The following NINJ2 variants were observed in gnomAD, a reference collection of about 807,000 sequenced individuals.
NINJ2 encodes the protein ninjurin 2, also known as ninjurin-2.
In NINJ2, 12 loss-of-function variants were observed where a neutral mutation model predicts 11.7. That is an observed-to-expected ratio of 1.02 (90% CI 0.66 to 1.66). The LOEUF (loss-of-function observed/expected upper bound fraction) is 1.66. Ranked by LOEUF, NINJ2 falls within the 40% of genes most tolerant of loss-of-function variation. NINJ2 has a pLI of 0.00. For missense variants in NINJ2, 187 were observed against 181.8 expected (o/e 1.03, Z -0.16); for synonymous variants, 93 against 76.8 (o/e 1.21, Z -1.10).
chr12:583,199 G>A (rs1487290796), intron 1 of NINJ2, among the ~76,000 whole-genome samples: 6 of 121,752 alleles, frequency 4.9e-5, no homozygotes, highest in African/African-American at 6.4e-5. Flanking sequence ...GAATGAATGG[G>A]TGCAGGCAGG....
At chr12:606,147 C>T (rs4980949) in intron 1 of NINJ2, among the ~76,000 whole-genome samples, 32,168 of 152,078 alleles carry the variant, frequency 0.21, 3,592 homozygotes, top group East Asian at 0.3. Flanking sequence ...GCTGGGATTA[C>T]AGGCATGAGC....
At chr12:659,135 A>G (rs575237241) in intron 1 of NINJ2, among the ~76,000 whole-genome samples, 1 of 151,570 alleles carries the variant, frequency 6.6e-6, no homozygotes, top group East Asian at 1.9e-4. Context: ...AAACACTCCC[A>G]GAGTACTTTG....
At chr12:629,024 G>C (rs973347350) in intron 1 of NINJ2, among the ~76,000 whole-genome samples, 7 of 152,058 alleles carry the variant, frequency 4.6e-5, no homozygotes, top group Admixed American at 1.3e-4. Context: ...CAGCCCTCAG[G>C]GTTGCTTTGC....
At chr12:613,566 G>A (rs1297906941) in intron 1 of NINJ2, among the ~76,000 whole-genome samples, 4 of 151,492 alleles carry the variant, frequency 2.6e-5, no homozygotes, top group Non-Finnish European at 5.9e-5. Flanking sequence ...CCAAGATTGC[G>A]ACATTACACT....
At chr12:599,053 G>C (rs1208763196) in intron 1 of NINJ2, among the ~76,000 whole-genome samples, 2 of 146,068 alleles carry the variant, frequency 1.4e-5, no homozygotes, top group Non-Finnish European at 2.9e-5. Context: ...AGCCGAAAAA[G>C]AGAGAAATAT....
At chr12:643,298 T>A (rs1304564213) in intron 1 of NINJ2, 1 of 347,964 alleles carries the variant, frequency 2.9e-6, no homozygotes, top group Non-Finnish European at 4.1e-6. Flanking sequence ...GTCTGGAGAC[T>A]CTGCACCGTC....
intron 1 of NINJ2, among the ~76,000 whole-genome samples, chr12:568,900 T>G (rs1202869292): frequency 2.0e-5 from 2 of 99,734 alleles, no homozygotes; most frequent in Non-Finnish European, 1.9e-5. Flanking sequence ...GCCCCCCGGG[T>G]AAGCACTGGG....
intron 1 of NINJ2, among the ~76,000 whole-genome samples, chr12:619,040 C>G (rs893234524): frequency 4.6e-5 from 7 of 152,206 alleles, no homozygotes; most frequent in Non-Finnish European, 8.8e-5. Flanking sequence ...CCCAGAACTT[C>G]TAAAGGTCAC....
intron 1 of NINJ2, among the ~76,000 whole-genome samples, chr12:621,479 A>G (rs1948151790): frequency 6.7e-6 from 1 of 150,350 alleles, no homozygotes; most frequent in South Asian, 2.1e-4. Context: ...AAAGAAAAAA[A>G]AAGAAAGAAA....
chr12:605,738 G>A (rs1358876146), intron 1 of NINJ2, among the ~76,000 whole-genome samples: 1 of 152,126 alleles, frequency 6.6e-6, no homozygotes, highest in Non-Finnish European at 1.5e-5. Context: ...TTTGGGGTTT[G>A]TTTTTCGAAT....
rs528438941 is a variant in NINJ2 at position 580,908 on chromosome 12, G to A, written c.34-14730C>T. ...TGCATGTGTCTGTGTGTCTGTGTGTGTGTCTGTATGTTTGTGTGTGTGTGC... is the reference window on the plus strand; with the variant it reads ...TGCATGTGTCTGTGTGTCTGTGTGTATGTCTGTATGTTTGTGTGTGTGTGC... On this transcript the variant is annotated intron_variant, in intron 1 of 3. Transcript: ENST00000305108. The surrounding 1 kb of genome is among the most constrained non-coding windows in gnomAD (Gnocchi z 4.7). Among the ~76,000 whole-genome samples, 14 of 151,910 alleles carry A rather than the reference G, an allele frequency of 9.2e-5. No homozygotes were observed. The East Asian group carries it at 2.5e-3, about 27-fold the overall frequency.
rs201557016 is a variant in NINJ2, at chr12:640,406, A to C, written c.33+22922T>G. Among the ~76,000 whole-genome samples the C allele has an allele frequency of 1.8e-4, 28 of 152,314 alleles. No individual in the cohort carries two copies. The East Asian group carries it at 5.4e-3, about 29-fold the overall frequency. ...AGTTAAAGTGTAGTTCTTTCAATAC[A>C]ATTCATTCAGACCTCCCTTTCAATG... On this transcript the variant is annotated intron_variant, in intron 1 of 3. Coordinates refer to ENST00000305108, the MANE Select transcript of NINJ2 (RefSeq NM_016533.6). The surrounding 1 kb of genome is among the most constrained non-coding windows in gnomAD (Gnocchi z 4.0).
chr12:625,406 A>G (rs910239273), intron 1 of NINJ2, among the ~76,000 whole-genome samples: 1 of 147,360 alleles, frequency 6.8e-6, no homozygotes, highest in Non-Finnish European at 1.5e-5. Context: ...CAGGCTGAAG[A>G]GTAGTTTGGG....
chr12:580,604 T>A lies in NINJ2; in HGVS notation c.34-14426A>T, dbSNP rs984122495. Among the ~76,000 whole-genome samples, 754 of 137,704 alleles carry A rather than the reference T, an allele frequency of 5.5e-3. 6 individuals are homozygous for A. The highest frequency in any genetic ancestry group is 0.016 in the East Asian group (78 of 4,832). 90.3% of individuals were successfully genotyped at this position (137,704 alleles called of 152,430 possible). A position where few individuals can be genotyped will look rare whatever the true frequency, so the allele number is the denominator to read the frequency against. ...CCTGTCTCAAAAAAAAAAAAATATA[T>A]ATATATATATATCCATTTGTCATTC... On this transcript the variant is annotated intron_variant, in intron 1 of 3. Coordinates refer to ENST00000305108, the MANE Select transcript of NINJ2 (RefSeq NM_016533.6). This position sits in a 1 kb window ranked among gnomAD's most constrained non-coding sequence, Gnocchi z 4.7.
rs879339311 is a variant in NINJ2, at chr12:585,529, ACGG to A, written c.34-19354_34-19352del. ...GAACGGTTGGAGGGAAGGGAAGGGA[ACGG>A]TTGGAGGGAAGGGAAGGGAACGGTT... On this transcript the variant is annotated intron_variant, in intron 1 of 3. Transcript: ENST00000305108. This position sits in a 1 kb window ranked among gnomAD's most constrained non-coding sequence, Gnocchi z 4.1. 0.26 allele frequency among the ~76,000 whole-genome samples: 39,235 copies of A among 150,940 alleles called. 5,880 individuals are homozygous for A. Among genetic ancestry groups the A allele is most frequent in the Admixed American group, 0.35 (5,331 of 15,180 alleles).
intron 1 of NINJ2, among the ~76,000 whole-genome samples, chr12:599,106 G>A (rs1313696017): frequency 1.3e-5 from 2 of 152,144 alleles, no homozygotes; most frequent in Non-Finnish European, 2.9e-5. Context: ...TCCAGGCCGG[G>A]TGAGGTGGAT....
chr12:622,409 CAA>C (rs1169331783), intron 1 of NINJ2, among the ~76,000 whole-genome samples: 6 of 47,430 alleles, frequency 1.3e-4, no homozygotes, highest in East Asian at 7.3e-4. Flanking sequence ...GACTCCGTCT[CAA>C]AAAAAAAAAA....
chr12:608,142 G>A (rs1012876956), intron 1 of NINJ2, among the ~76,000 whole-genome samples: 1 of 152,132 alleles, frequency 6.6e-6, no homozygotes, highest in African/African-American at 2.4e-5. Flanking sequence ...CACCAATTAC[G>A]TGGCACTGTA....
rs200514649 is a variant in NINJ2 at position 653,614 on chromosome 12, TA to T, written c.33+9713del. On this transcript the variant is annotated intron_variant, in intron 1 of 3. Transcript: ENST00000305108. ...CTCCAGGGCAATAACTAAAAAAAGT[TA>T]AAAAAAAGTACAACTGATACACTAT... 5.3e-5 allele frequency among the ~76,000 whole-genome samples: 8 copies of T among 149,826 alleles called. 1 individual carries two copies. The highest frequency in any genetic ancestry group is 6.6e-5 in the Admixed American group (1 of 15,054).
Sources: allele counts gnomAD v4.1 joint callset (sites outside exome capture counted in the v4.1 genomes callset), GRCh38; gene constraint gnomAD v4.1.1; non-coding constraint Gnocchi (gnomAD v3.1); transcripts MANE v1.5; gene names NCBI Gene and HGNC (gene_info 2026-07-23, HGNC 2026-07-21).